Variants in ZNF44 observed in about 807,000 individuals in gnomAD.
ZNF44 encodes gonadotropin inducible transcription repressor-2.
ZNF44 carries 9 observed loss-of-function variants against 11.7 expected under a neutral mutation model. The observed-to-expected ratio is 0.77, with a 90% CI of 0.46 to 1.35. The LOEUF is 1.35. ZNF44 is among the 40% of genes most tolerant of loss of function. The pLI, the probability that ZNF44 is intolerant of heterozygous loss-of-function variation, is 0.00. For synonymous variants in ZNF44, 224 were observed against 242.7 expected, an observed-to-expected ratio of 0.92 and a Z score of 0.72; for missense variants, 696 against 743.1, an observed-to-expected ratio of 0.94 and a Z score of 0.74.
rs561180573 is a variant in ZNF44, at chr19:12,286,716, T to C, written c.3+7976A>G. Among the ~76,000 whole-genome samples the C allele has an allele frequency of 4.4e-3, 664 of 150,514 alleles. 7 individuals carry two copies. Among genetic ancestry groups the C allele is most frequent in the African/African-American group, 0.016 (636 of 40,856 alleles). The stretch of plus-strand genomic sequence containing the variant: ...CTGTAATCCCAGCACTTTGGGAGGC[T>C]GAGGCAGGTGGATCTCTTGAGGTCA... On this transcript the variant is annotated intron_variant, in intron 1 of 3. Transcript: ENST00000355684.
chr19:12,277,109 T>C (rs1214839188), intron 1 of ZNF44, among the ~76,000 whole-genome samples: 1 of 152,210 alleles, frequency 6.6e-6, no homozygotes, highest in South Asian at 2.1e-4. Flanking sequence ...AGAAACACTC[T>C]AGGCACAGGG....
At chr19:12,291,515 C>G (rs191907391) in intron 1 of ZNF44, among the ~76,000 whole-genome samples, 9 of 149,740 alleles carry the variant, frequency 6.0e-5, no homozygotes, top group Admixed American at 5.3e-4. Flanking sequence ...CTGGGCGACA[C>G]GGTGAAACCC....
At chr19:12,239,858 C>A (rs975207641), upstream of ZNF44, among the ~76,000 whole-genome samples, 1 of 151,886 alleles carries the variant, frequency 6.6e-6, no homozygotes, top group African/African-American at 2.4e-5. Flanking sequence ...CAGGTGTGAG[C>A]TACCGTGCCC....
At chr19:12,266,791 C>T (rs1005395011) in intron 5 of ZNF44, among the ~76,000 whole-genome samples, 1 of 152,196 alleles carries the variant, frequency 6.6e-6, no homozygotes, top group African/African-American at 2.4e-5. Flanking sequence ...CCAGAGCTGG[C>T]ACTGGCGTCT....
chr19:12,235,350 A>C (rs1053789344), intron 1 of ZNF44, among the ~76,000 whole-genome samples: 2 of 152,170 alleles, frequency 1.3e-5, no homozygotes, highest in African/African-American at 2.4e-5. Flanking sequence ...ACCTGGGCGA[A>C]AGAGCGAGAC....
At chr19:12,260,238 C>T (rs967345457) in intron 5 of ZNF44, 1 of 800,342 alleles carries the variant, frequency 1.2e-6, no homozygotes. Context: ...CAGCTCCTTC[C>T]GCTACAACGG....
chr19:12,254,202 T>A, intron 5 of ZNF44, among the ~76,000 whole-genome samples: 1 of 149,768 alleles, frequency 6.7e-6, no homozygotes, highest in Non-Finnish European at 1.5e-5. Flanking sequence ...TTAACAAACT[T>A]GAAAGAAAAA....
rs1464073332 is a variant in ZNF44, at chr19:12,272,852, G to A, written c.1403C>T (p.Thr468Ile). 6.2e-7 allele frequency: 1 copy of A among 1,613,744 alleles called. No homozygotes were observed. The highest frequency in any genetic ancestry group is 8.5e-7 in the Non-Finnish European group (1 of 1,179,924). ...ATAAGGCTCCTCTTCACTGTGTGTT[G>A]TTTCATGACTTTGAAAGGAAAATAA... ...SDLFSFQSHE[T>I]THSEEEPYEC... Residue 468 changes from threonine to isoleucine, a missense_variant, in exon 4 of 4, where the codon ACA becomes ATA. Thr to Ile is a moderately conservative substitution (Grantham distance 89). Transcript: ENST00000355684.
chr19:12,229,891 C>T (rs1228531569), intron 3 of ZNF44, among the ~76,000 whole-genome samples: 4 of 152,072 alleles, frequency 2.6e-5, no homozygotes, highest in African/African-American at 4.8e-5. Flanking sequence ...GGATTATAGA[C>T]GTGAGCCACC....
At chr19:12,225,870 G>C (rs1436029756), downstream of ZNF44, among the ~76,000 whole-genome samples, 1 of 152,142 alleles carries the variant, frequency 6.6e-6, no homozygotes, top group Non-Finnish European at 1.5e-5. Flanking sequence ...GGTGAGAGTC[G>C]GGGGCTTAGA....
upstream of ZNF44, among the ~76,000 whole-genome samples, chr19:12,240,045 C>T (rs1401132200): frequency 2.6e-5 from 4 of 152,114 alleles, no homozygotes; most frequent in South Asian, 2.1e-4. Context: ...AAATAAATCG[C>T]AAGTAATCCC....
chr19:12,283,519 C>T (rs572153698), intron 1 of ZNF44, among the ~76,000 whole-genome samples: 5 of 151,870 alleles, frequency 3.3e-5, no homozygotes, highest in African/African-American at 4.8e-5. Flanking sequence ...TTAGTAGAGA[C>T]GGGGTTTCAC....
intron 5 of ZNF44, among the ~76,000 whole-genome samples, chr19:12,264,805 C>T (rs1398321658): frequency 1.3e-5 from 2 of 152,124 alleles, no homozygotes; most frequent in Non-Finnish European, 2.9e-5. Context: ...AAGCGATCCT[C>T]CCACCTCAGC....
At chr19:12,248,970 T>C (rs1482666467) in intron 7 of ZNF44, among the ~76,000 whole-genome samples, 1 of 146,424 alleles carries the variant, frequency 6.8e-6, no homozygotes, top group Non-Finnish European at 1.5e-5. Context: ...TGGAGTGCAG[T>C]GGTGCGATCT....
At chr19:12,267,046 T>C (rs1209310439), downstream of ZNF44, among the ~76,000 whole-genome samples, 8 of 148,332 alleles carry the variant, frequency 5.4e-5, no homozygotes, top group Non-Finnish European at 1.2e-4. Flanking sequence ...CTTTTTTCTT[T>C]TTTTTTTTTT....
In ZNF44 at chr19:12,229,814, G is replaced by A. The variant is rs184707323; in HGVS notation, n.436+646C>T. On this transcript the variant is annotated intron_variant and non_coding_transcript_variant, in intron 3 of 3. Coordinates refer to the ZNF44 transcript ENST00000597563. Reference sequence around the variant, plus strand: ...TTTTTAGTAGAGATGGAGTTTCACCGTGTTAGCCAGGATGGTCTCGATCTC... The same window carrying A: ...TTTTTAGTAGAGATGGAGTTTCACCATGTTAGCCAGGATGGTCTCGATCTC... Among the ~76,000 whole-genome samples, 102 of 152,026 alleles carry A rather than the reference G, an allele frequency of 6.7e-4. 2 individuals are homozygous for A. The highest frequency in any genetic ancestry group is 4.9e-4 in the Non-Finnish European group (33 of 67,994).
chr19:12,287,893 G>T (rs1044341175), intron 1 of ZNF44, among the ~76,000 whole-genome samples: 2 of 152,162 alleles, frequency 1.3e-5, no homozygotes, highest in African/African-American at 4.8e-5. Context: ...ACTGGAAACT[G>T]AAGAGGCAAA....
exon 2 of ZNF44, chr19:12,234,695 C>G (rs573314833): frequency 6.6e-6 from 1 of 152,314 alleles, no homozygotes; most frequent in Non-Finnish European, 1.5e-5. Context: ...GATGGCTTCC[C>G]TCATCACATC....
In ZNF44 at chr19:12,273,772, C is replaced by T; in HGVS notation, c.483G>A (p.Arg161=). 3 of 1,614,128 alleles carry T rather than the reference C, an allele frequency of 1.9e-6. No individual in the cohort carries two copies. Among genetic ancestry groups the T allele is most frequent in the Non-Finnish European group, 2.5e-6 (3 of 1,180,002 alleles). Residue 161 remains arginine, a synonymous_variant, in exon 4 of 4, where the codon AGG becomes AGA. Transcript: ENST00000355684. ...SYRHSFQTCE[R]PHTGKKPYDC... ...CATAGGGTTTCTTTCCAGTGTGAGG[C>T]CTTTCACATGTTTGAAAGGAGTGGC...
Sources: allele counts gnomAD v4.1 joint callset (sites outside exome capture counted in the v4.1 genomes callset), GRCh38; gene constraint gnomAD v4.1.1; transcripts MANE v1.5; gene names NCBI Gene and HGNC (gene_info 2026-07-23, HGNC 2026-07-21).